MAGI2: variants seen among roughly 807,000 people sequenced by gnomAD.
MAGI2 encodes the protein membrane associated guanylate kinase, WW and PDZ domain containing 2.
MAGI2 carries 35 observed loss-of-function variants against 133.3 expected under a neutral mutation model. The ratio of observed to expected loss-of-function variants is 0.26; its 90% CI spans 0.20 to 0.35. MAGI2 has a LOEUF of 0.35. Ranked by LOEUF, MAGI2 falls within the 10% of genes least tolerant of loss-of-function variation. The pLI is 1.00. For missense variants in MAGI2, 1,636 were observed against 1,863.4 expected (o/e 0.88, Z 2.25); for synonymous variants, 729 against 710.6 (o/e 1.03, Z -0.41).
At chr7:79,031,078 T>C (rs1810522779) in intron 1 of MAGI2, among the ~76,000 whole-genome samples, 1 of 152,166 alleles carries the variant, frequency 6.6e-6, no homozygotes, top group Non-Finnish European at 1.5e-5. Flanking sequence ...TTCATGAGCA[T>C]GATATAAATC....
chr7:79,063,267 C>T (rs929452511), intron 1 of MAGI2, among the ~76,000 whole-genome samples: 6 of 152,036 alleles, frequency 3.9e-5, no homozygotes, highest in African/African-American at 1.4e-4. Context: ...CCAGTTGCCT[C>T]ATATTATCAT....
chr7:78,036,583 A>C (rs888807348), intron 21 of MAGI2, among the ~76,000 whole-genome samples: 14 of 152,128 alleles, frequency 9.2e-5, no homozygotes, highest in African/African-American at 3.1e-4. Flanking sequence ...TAAGTGGCTC[A>C]TCCAGAGATT....
chr7:78,298,964 C>T (rs1412928811), intron 9 of MAGI2, among the ~76,000 whole-genome samples: 6 of 151,934 alleles, frequency 3.9e-5, no homozygotes, highest in South Asian at 4.2e-4. Flanking sequence ...CACAGGCGCA[C>T]GCCACCATGC....
At chr7:78,606,032 T>C (rs1584814942) in intron 3 of MAGI2, among the ~76,000 whole-genome samples, 1 of 151,796 alleles carries the variant, frequency 6.6e-6, no homozygotes, top group Non-Finnish European at 1.5e-5. Context: ...ATGAAGGAGG[T>C]GTTCAGAAAG....
chr7:79,136,347 T>C (rs777047538), intron 1 of MAGI2, among the ~76,000 whole-genome samples: 3 of 152,240 alleles, frequency 2.0e-5, no homozygotes, highest in Non-Finnish European at 4.4e-5. Context: ...TGGGAGCTTA[T>C]TTCCAATAGC....
chr7:78,790,164 C>T (rs539787343), intron 2 of MAGI2, among the ~76,000 whole-genome samples: 1 of 151,872 alleles, frequency 6.6e-6, no homozygotes, highest in Non-Finnish European at 1.5e-5. Flanking sequence ...AAATTAGAAA[C>T]TCTTTGCTAG....
intron 9 of MAGI2, among the ~76,000 whole-genome samples, chr7:78,279,837 C>T (rs930566317): frequency 6.6e-6 from 1 of 152,138 alleles, no homozygotes; most frequent in Non-Finnish European, 1.5e-5. Flanking sequence ...ATAGCAGGAT[C>T]TGTCATTAAC....
At chr7:78,886,123 C>T (rs1011944199) in intron 2 of MAGI2, among the ~76,000 whole-genome samples, 1 of 152,198 alleles carries the variant, frequency 6.6e-6, no homozygotes, top group Non-Finnish European at 1.5e-5. Context: ...TGCATCAGAC[C>T]CTTCCACATC....
At chr7:79,157,027 GT>G (rs1397805779) in intron 1 of MAGI2, among the ~76,000 whole-genome samples, 1 of 151,972 alleles carries the variant, frequency 6.6e-6, no homozygotes, top group Non-Finnish European at 1.5e-5. Context: ...TTCTGAGCTG[GT>G]TTTTCTCCTA....
In MAGI2 at chr7:78,216,494, C is replaced by A. The variant is rs117600094; in HGVS notation, c.2048-15301G>T. ...TGTAGGACCCTAGTCTGTTCCCCAT[C>A]CGTTTTTCTAGCCTCACCTCGCTCT... is the stretch of plus-strand genomic sequence containing the variant. On this transcript the variant is annotated intron_variant, in intron 10 of 21. Transcript: ENST00000354212. Among the ~76,000 whole-genome samples, 923 of 152,318 alleles carry A rather than the reference C, an allele frequency of 6.1e-3. 26 individuals are homozygous for A. The highest frequency in any genetic ancestry group is 0.054 in the East Asian group (279 of 5,180).
chr7:78,851,048 T>A (rs1173677675), intron 2 of MAGI2, among the ~76,000 whole-genome samples: 2 of 152,124 alleles, frequency 1.3e-5, no homozygotes, highest in Non-Finnish European at 2.9e-5. Context: ...GAGATTTATT[T>A]TAATGTTTAT....
chr7:78,080,437 C>T (rs1490928874), intron 20 of MAGI2, among the ~76,000 whole-genome samples: 6 of 152,170 alleles, frequency 3.9e-5, no homozygotes, highest in Non-Finnish European at 7.3e-5. Context: ...TAATTGTCTC[C>T]TTTCCTCTGA....
At chr7:78,159,712 C>A (rs892732797) in intron 16 of MAGI2, 3 of 197,202 alleles carry the variant, frequency 1.5e-5, no homozygotes, top group African/African-American at 2.3e-5. Context: ...AAAGGAAGCA[C>A]CCCTCCTTTC....
intron 2 of MAGI2, among the ~76,000 whole-genome samples, chr7:78,824,922 C>T (rs1330014724): frequency 3.9e-5 from 6 of 152,048 alleles, no homozygotes; most frequent in Admixed American, 6.5e-5. Context: ...TGAAGAGACA[C>T]GGATGAAGGT....
intron 16 of MAGI2, among the ~76,000 whole-genome samples, chr7:78,155,668 T>G (rs1387374101): frequency 6.6e-6 from 1 of 151,998 alleles, no homozygotes; most frequent in African/African-American, 2.4e-5. Flanking sequence ...AAAAAGATAT[T>G]CCTGCACTAC....
chr7:79,249,279 T>A (rs375348654), intron 1 of MAGI2, among the ~76,000 whole-genome samples: 2 of 151,542 alleles, frequency 1.3e-5, no homozygotes, highest in African/African-American at 4.9e-5. Context: ...TAGGAGAAAA[T>A]AAATGATAAA....
intron 13 of MAGI2, among the ~76,000 whole-genome samples, chr7:78,182,236 A>C (rs1407745694): frequency 6.6e-6 from 1 of 152,222 alleles, no homozygotes; most frequent in Non-Finnish European, 1.5e-5. Flanking sequence ...GAATCAAAAA[A>C]GGTTATTAAA....
intron 10 of MAGI2, among the ~76,000 whole-genome samples, chr7:78,205,487 C>G (rs956067479): frequency 2.6e-5 from 4 of 152,024 alleles, no homozygotes; most frequent in African/African-American, 9.7e-5. Flanking sequence ...AAATATATAC[C>G]CAGCCAAATT....
At chr7:78,488,836 A>C (rs1793321072) in intron 6 of MAGI2, among the ~76,000 whole-genome samples, 5 of 152,172 alleles carry the variant, frequency 3.3e-5, no homozygotes, top group Middle Eastern at 3.4e-3. Context: ...TTATGCTTGA[A>C]AAGAAAGGCC....
Sources: allele counts gnomAD v4.1 joint callset (sites outside exome capture counted in the v4.1 genomes callset), GRCh38; gene constraint gnomAD v4.1.1; transcripts MANE v1.5; gene names NCBI Gene and HGNC (gene_info 2026-07-23, HGNC 2026-07-21).